Variants in WASL observed in about 807,000 individuals in gnomAD.
WASL encodes the protein actin nucleation-promoting factor WASL.
WASL carries 20 observed loss-of-function variants against 55.5 expected under a neutral mutation model. The observed-to-expected ratio is 0.36, with a 90% CI of 0.25 to 0.52. WASL has a LOEUF of 0.52. WASL is among the 20% of genes least tolerant of loss of function. The probability of loss-of-function intolerance (pLI) is 0.92; values close to 1 mark genes in which losing one functional copy is unlikely to be tolerated. For synonymous variants in WASL, 249 were observed against 217.6 expected (o/e 1.14, Z -1.27); for missense variants, 504 against 622.5 (o/e 0.81, Z 2.03).
At position 123,696,616 on chromosome 7, in the gene WASL, A is replaced by G; in HGVS notation, c.592T>C (p.Leu198=). Residue 198 remains leucine (L), a synonymous_variant, in exon 6 of 11, where the codon TTA becomes CTA. Coordinates refer to ENST00000223023, the MANE Select transcript of WASL (RefSeq NM_003941.4). Reference sequence around the variant, plus strand: ...GGTGTTCCTATATCTGCCTTGGTTAATCTCTTCTTTTTAGCTTTTCCCTTC... The same window carrying G: ...GGTGTTCCTATATCTGCCTTGGTTAGTCTCTTCTTTTTAGCTTTTCCCTTC... ...KKKGKAKKKR[L]TKADIGTPSN... 6.3e-7 allele frequency: 1 copy of G among 1,599,760 alleles called. No individual in the cohort carries two copies. The highest frequency in any genetic ancestry group is 8.5e-7 in the Non-Finnish European group (1 of 1,172,940).
intron 1 of WASL, among the ~76,000 whole-genome samples, chr7:123,739,908 GTGTGTGTA>G (rs60399266): frequency 8.4e-3 from 242 of 28,854 alleles, no homozygotes; most frequent in African/African-American, 0.015. Flanking sequence ...GTGTGTGTGT[GTGTGTGTA>G]TATATATATA....
intron 1 of WASL, among the ~76,000 whole-genome samples, chr7:123,712,638 C>T (rs926148538): frequency 5.9e-5 from 9 of 152,116 alleles, no homozygotes; most frequent in African/African-American, 1.4e-4. Flanking sequence ...TTAACAAGCA[C>T]GAATGATTCA....
chr7:123,718,518 AAGG>A (rs1239084587), intron 1 of WASL, among the ~76,000 whole-genome samples: 4 of 152,164 alleles, frequency 2.6e-5, no homozygotes, highest in South Asian at 4.1e-4. Flanking sequence ...GTGTATCTGG[AAGG>A]AGGAGAGTCT....
At chr7:123,708,205 A>C (rs551320954) in intron 2 of WASL, among the ~76,000 whole-genome samples, 3 of 151,998 alleles carry the variant, frequency 2.0e-5, no homozygotes, top group South Asian at 2.1e-4. Flanking sequence ...ACAACAAAAG[A>C]AGCACTAATT....
chr7:123,735,592 TA>T (rs1195101810), intron 1 of WASL, among the ~76,000 whole-genome samples: 2 of 152,110 alleles, frequency 1.3e-5, no homozygotes, highest in African/African-American at 4.8e-5. Flanking sequence ...GACATATATT[TA>T]AAAAACACGC....
intron 9 of WASL, among the ~76,000 whole-genome samples, chr7:123,690,414 A>T (rs984344695): frequency 6.6e-6 from 1 of 152,228 alleles, no homozygotes; most frequent in African/African-American, 2.4e-5. Flanking sequence ...CAAAAAATTT[A>T]AAGAAACATA....
intron 1 of WASL, among the ~76,000 whole-genome samples, chr7:123,734,210 C>A (rs1181963780): frequency 6.6e-6 from 1 of 152,032 alleles, no homozygotes; most frequent in African/African-American, 2.4e-5. Context: ...GCCACAGACT[C>A]AGATAAAAAT....
At position 123,692,531 on chromosome 7, in the gene WASL, G is replaced by A. The variant is rs1034268469; in HGVS notation, c.1163C>T (p.Pro388Leu). Residue 388 changes from proline (P) to leucine (L), a missense_variant, in exon 9 of 11, where the codon CCG (proline) becomes CTG (leucine). This residue lies in a region of WASL where 201 missense variants were observed against 206.2 expected (regional missense o/e 0.97). Transcript: ENST00000223023. The stretch of plus-strand genomic sequence containing the variant: ...GTCCCCATCAGAAGGCAGGCCAGGC[G>A]GGGGCGGTGGCCCAGGAGGAGGTGG... ...PPPPPPGPPP[P>L]PGLPSDGDHQ... 19 of 1,613,944 alleles carry A rather than the reference G, an allele frequency of 1.2e-5. No homozygotes were observed. Among genetic ancestry groups the A allele is most frequent in the South Asian group, 4.4e-5 (4 of 91,082 alleles).
At chr7:123,698,824 A>C (rs1320948296) in intron 5 of WASL, among the ~76,000 whole-genome samples, 1 of 152,160 alleles carries the variant, frequency 6.6e-6, no homozygotes, top group Non-Finnish European at 1.5e-5. Flanking sequence ...TTCGACATTT[A>C]TGTAGTTGTA....
chr7:123,689,967 T>C (rs1023567991), intron 9 of WASL, among the ~76,000 whole-genome samples: 1 of 152,226 alleles, frequency 6.6e-6, no homozygotes. Flanking sequence ...TTGTTCTTTC[T>C]GGAGTAAACA....
chr7:123,733,184 T>C (rs149417467), intron 1 of WASL, among the ~76,000 whole-genome samples: 158 of 152,288 alleles, frequency 1.0e-3, no homozygotes, highest in African/African-American at 3.7e-3. Flanking sequence ...ATAAACGGTA[T>C]ACAGATTGAG....
At chr7:123,733,228 G>A (rs1278716043) in intron 1 of WASL, among the ~76,000 whole-genome samples, 1 of 152,174 alleles carries the variant, frequency 6.6e-6, no homozygotes, top group Non-Finnish European at 1.5e-5. Context: ...GTTTGCAGAT[G>A]ACATAATTAC....
Position 123,748,939 on chromosome 7 carries a change from G to T in WASL, c.-205C>A. 3.5e-6 allele frequency: 2 copies of T among 566,966 alleles called. No individual in the cohort carries two copies. Among genetic ancestry groups the T allele is most frequent in the Non-Finnish European group, 6.2e-6 (2 of 322,762 alleles). 35.1% of individuals were successfully genotyped at this position (566,966 alleles called of 1,614,324 possible). A position where few individuals can be genotyped will look rare whatever the true frequency, so the allele number is the denominator to read the frequency against. On this transcript the variant is annotated 5_prime_UTR_variant, in exon 1 of 11. Transcript: ENST00000223023. ...CTTCGCGCCGCGCTGAGAAAGGGAAGCTCCCGGCACCCGCCCGGCCAGGCT... is the reference window on the plus strand; with the variant it reads ...CTTCGCGCCGCGCTGAGAAAGGGAATCTCCCGGCACCCGCCCGGCCAGGCT...
intron 3 of WASL, 119 bp downstream of exon 3, chr7:123,706,621 C>CA (rs889185068): frequency 2.3e-6 from 2 of 884,230 alleles, no homozygotes; most frequent in Non-Finnish European, 3.4e-6. Context: ...TCATCTTCAG[C>CA]AAAAAAATAA....
chr7:123,689,804 A>G (rs942722184), intron 9 of WASL, among the ~76,000 whole-genome samples: 208 of 147,626 alleles, frequency 1.4e-3, no homozygotes, highest in African/African-American at 4.9e-3. Flanking sequence ...TTATAATTAA[A>G]GATGAAACAG....
chr7:123,726,165 A>G (rs1305937110), intron 1 of WASL, among the ~76,000 whole-genome samples: 1 of 152,208 alleles, frequency 6.6e-6, no homozygotes, highest in African/African-American at 2.4e-5. Flanking sequence ...AAAACAAATG[A>G]ATGGGACAGG....
At chr7:123,732,490 A>G (rs1013978769) in intron 1 of WASL, among the ~76,000 whole-genome samples, 2 of 152,220 alleles carry the variant, frequency 1.3e-5, no homozygotes, top group Non-Finnish European at 1.5e-5. Context: ...GACACGATCT[A>G]TCAAAATTTA....
intron 1 of WASL, among the ~76,000 whole-genome samples, chr7:123,710,116 T>G (rs1803731885): frequency 6.6e-6 from 1 of 152,108 alleles, no homozygotes; most frequent in South Asian, 2.1e-4. Flanking sequence ...TAACCTAGAA[T>G]GTAACTATTC....
chr7:123,748,146 C>T (rs905888322), intron 1 of WASL, among the ~76,000 whole-genome samples: 1 of 152,058 alleles, frequency 6.6e-6, no homozygotes. Flanking sequence ...CTCCTGGAAT[C>T]CTAATGGGAG....
Sources: allele counts gnomAD v4.1 joint callset (sites outside exome capture counted in the v4.1 genomes callset), GRCh38; gene constraint gnomAD v4.1.1; regional missense constraint gnomAD v4.1.1; transcripts MANE v1.5; gene names NCBI Gene and HGNC (gene_info 2026-07-23, HGNC 2026-07-21).